IBTK: variants seen among roughly 807,000 people sequenced by gnomAD.
The protein encoded by IBTK is BTK-binding protein.
In IBTK, 83 loss-of-function variants were observed where a neutral mutation model predicts 154.9. That is an observed-to-expected ratio of 0.54 (90% CI 0.45 to 0.64). The LOEUF (loss-of-function observed/expected upper bound fraction) is 0.64, where lower values mean the gene tolerates loss of function less well. Ranked by LOEUF, IBTK falls within the 30% of genes least tolerant of loss-of-function variation. The probability of loss-of-function intolerance (pLI) is 0.00; values close to 1 mark genes in which losing one functional copy is unlikely to be tolerated. For synonymous variants in IBTK, 515 were observed against 536.1 expected, an observed-to-expected ratio of 0.96 and a Z score of 0.54; for missense variants, 1,332 against 1,584.6, an observed-to-expected ratio of 0.84 and a Z score of 2.71.
chr6:82,223,466 G>A lies in IBTK; in HGVS notation c.1098C>T (p.Asp366=), dbSNP rs1770171339. Residue 366 remains aspartate, a synonymous_variant, in exon 8 of 29, where the codon GAC becomes GAT. Coordinates refer to ENST00000306270, the MANE Select transcript of IBTK (RefSeq NM_015525.4). The stretch of plus-strand genomic sequence containing the variant: ...TAGAAGCCATCTTCTTGCACTGATA[G>A]TCTGCAAGTAAGTAAATATCTCCCC... ...TTRGDIYLLA[D]YQCKKMASKQ... The A allele has an allele frequency of 6.2e-7, 1 of 1,613,504 alleles. No individual in the cohort carries two copies. Among genetic ancestry groups the A allele is most frequent in the Non-Finnish European group, 8.5e-7 (1 of 1,179,720 alleles).
chr6:82,228,259 A>C (rs1257379129), intron 4 of IBTK, among the ~76,000 whole-genome samples: 1 of 152,194 alleles, frequency 6.6e-6, no homozygotes, highest in African/African-American at 2.4e-5. Context: ...TCATTTCCAG[A>C]AAGTCAAGGT....
Position 82,210,895 on chromosome 6 carries a change from C to T in IBTK, c.2428G>A (p.Ala810Thr), listed in dbSNP as rs1358782192. 1.9e-6 allele frequency: 3 copies of T among 1,558,464 alleles called. No homozygotes were observed. Among genetic ancestry groups the T allele is most frequent in the Non-Finnish European group, 2.6e-6 (3 of 1,149,942 alleles). The change falls in exon 16 of 29, where the codon GCT (alanine) becomes ACT (threonine). Residue 810 changes from alanine to threonine, a missense_variant. Physicochemically the swap from Ala to Thr is moderately conservative, Grantham distance 58 (BLOSUM62 0). This residue lies in a region of IBTK where 1,134 missense variants were observed against 1,274.7 expected (regional missense o/e 0.89). Coordinates refer to ENST00000306270, the MANE Select transcript of IBTK (RefSeq NM_015525.4). Reference sequence around the variant, plus strand: ...TCAGAATGTATTGGCATTTCCAGAGCTGCACAACTGGAAGCCTAAATAAAA... The same window carrying T: ...TCAGAATGTATTGGCATTTCCAGAGTTGCACAACTGGAAGCCTAAATAAAA... ...SSWIEASSCA[A>T]LEMPIHSDIL...
intron 26 of IBTK, among the ~76,000 whole-genome samples, chr6:82,174,011 G>A (rs1768024502): frequency 6.6e-6 from 1 of 152,234 alleles, no homozygotes; most frequent in South Asian, 2.1e-4. Context: ...GATGAAAGCA[G>A]TAAGAAGCAT....
intron 27 of IBTK, 155 bp from the exon 28 acceptor site, chr6:82,172,667 T>A: frequency 1.7e-6 from 1 of 597,796 alleles, no homozygotes; most frequent in Non-Finnish European, 2.7e-6. Context: ...ATGATGAGTT[T>A]CACTCATCTT....
intron 4 of IBTK, 87 bp downstream of exon 4, chr6:82,231,631 T>G: frequency 1.0e-6 from 1 of 985,872 alleles, no homozygotes; most frequent in South Asian, 2.2e-5. Context: ...TGAAACAAAG[T>G]TATGTAATCC....
At chr6:82,217,598 CAA>C (rs1247686694) in intron 10 of IBTK, among the ~76,000 whole-genome samples, 1 of 152,090 alleles carries the variant, frequency 6.6e-6, no homozygotes, top group Non-Finnish European at 1.5e-5. Flanking sequence ...TTAAATTTTA[CAA>C]AAGTCATTTA....
chr6:82,238,727 C>T (rs1770828012), intron 2 of IBTK, among the ~76,000 whole-genome samples: 1 of 151,956 alleles, frequency 6.6e-6, no homozygotes, highest in Non-Finnish European at 1.5e-5. Flanking sequence ...AGGCGTGAGC[C>T]ACCGCGCCTG....
chr6:82,236,294 C>T (rs754033689), intron 2 of IBTK, among the ~76,000 whole-genome samples: 1 of 152,204 alleles, frequency 6.6e-6, no homozygotes, highest in East Asian at 1.9e-4. Flanking sequence ...ACCTGGATTA[C>T]TGCCTGGCAC....
At chr6:82,241,444 C>T (rs890671290) in intron 1 of IBTK, among the ~76,000 whole-genome samples, 39 of 152,174 alleles carry the variant, frequency 2.6e-4, no homozygotes, top group Non-Finnish European at 4.4e-5. Flanking sequence ...CCTGAAAAGT[C>T]CTTCATCACA....
intron 6 of IBTK, among the ~76,000 whole-genome samples, chr6:82,224,598 G>A (rs9361905): frequency 0.23 from 35,002 of 152,006 alleles, 4,039 homozygotes; most frequent in Admixed American, 0.25. Context: ...TTTTTTTGTC[G>A]TGCGATTGTC....
In IBTK at chr6:82,214,642, C is replaced by G; in HGVS notation, c.1789G>C (p.Gly597Arg). The change falls in exon 12 of 29, where the codon GGT (glycine) becomes CGT (arginine). Residue 597 changes from glycine to arginine, a missense_variant. Gly to Arg is a moderately radical substitution (Grantham distance 125). Coordinates refer to ENST00000306270, the MANE Select transcript of IBTK (RefSeq NM_015525.4). ...DFFQKLFLSD[G>R]NTSEFTDIYQ... Reference sequence around the variant, plus strand: ...ATATCTGTAAATTCTGAAGTATTACCATCTGAAAGAAACAATTTCTGAAAA... The same window carrying G: ...ATATCTGTAAATTCTGAAGTATTACGATCTGAAAGAAACAATTTCTGAAAA... 1 of 1,613,854 alleles carries G rather than the reference C, an allele frequency of 6.2e-7. No individual in the cohort carries two copies.
chr6:82,228,612 A>T (rs1409655469), intron 4 of IBTK, among the ~76,000 whole-genome samples: 1 of 152,034 alleles, frequency 6.6e-6, no homozygotes, highest in East Asian at 1.9e-4. Context: ...ATCCAACTTT[A>T]AAAACCCCAG....
At chr6:82,190,284 C>G (rs73482637) in intron 25 of IBTK, among the ~76,000 whole-genome samples, 2 of 152,024 alleles carry the variant, frequency 1.3e-5, no homozygotes, top group African/African-American at 4.8e-5. Flanking sequence ...AATAATGTGG[C>G]CTTAGAAACA....
chr6:82,239,756 C>T (rs1322491502), intron 2 of IBTK, among the ~76,000 whole-genome samples: 2 of 113,818 alleles, frequency 1.8e-5, no homozygotes, highest in East Asian at 4.9e-4. Context: ...TGCAGCACAG[C>T]TCTCTGAGCC....
chr6:82,182,861 A>G (rs1007406965), intron 25 of IBTK, among the ~76,000 whole-genome samples: 2 of 152,222 alleles, frequency 1.3e-5, no homozygotes, highest in Non-Finnish European at 2.9e-5. Flanking sequence ...GAGAATGTCA[A>G]TCCAGAATTC....
chr6:82,171,499 C>T lies in IBTK; in HGVS notation c.3988G>A (p.Glu1330Lys). Reference protein sequence around the residue: ...LVFYEAFGNPEEFVIVERTPQ... With the variant: ...LVFYEAFGNPKEFVIVERTPQ... ...GTCCTTTCAACAATGACAAACTCTTCAGGGTTGCCAAATGCCTCATAGAAA... is the reference window on the plus strand; with the variant it reads ...GTCCTTTCAACAATGACAAACTCTTTAGGGTTGCCAAATGCCTCATAGAAA... The change falls in exon 29 of 29, where the codon GAA (glutamate) becomes AAA (lysine). Residue 1330 changes from glutamate to lysine, a missense_variant. This residue lies in a region of IBTK where 1,134 missense variants were observed against 1,274.7 expected (regional missense o/e 0.89). Coordinates refer to ENST00000306270, the MANE Select transcript of IBTK (RefSeq NM_015525.4). 1 of 1,613,006 alleles carries T rather than the reference C, an allele frequency of 6.2e-7. No homozygotes were observed. The highest frequency in any genetic ancestry group is 8.5e-7 in the Non-Finnish European group (1 of 1,179,286).
chr6:82,214,859 T>C (rs1769811666), intron 11 of IBTK, 30 bp from the exon 12 acceptor site: 26 of 1,517,152 alleles, frequency 1.7e-5, no homozygotes, highest in Non-Finnish European at 2.2e-5. Flanking sequence ...AAATTATGCT[T>C]CAAAAAATAT....
intron 2 of IBTK, among the ~76,000 whole-genome samples, chr6:82,238,895 C>A (rs1004791520): frequency 1.3e-5 from 2 of 151,864 alleles, no homozygotes; most frequent in Admixed American, 6.6e-5. Flanking sequence ...CACGCCACTA[C>A]ACCTGGCTAA....
chr6:82,189,850 A>G (rs1261485540), intron 25 of IBTK, among the ~76,000 whole-genome samples: 1 of 152,222 alleles, frequency 6.6e-6, no homozygotes, highest in Non-Finnish European at 1.5e-5. Flanking sequence ...AGTACTTGAC[A>G]GTGGTTCCAA....
Sources: allele counts gnomAD v4.1 joint callset (sites outside exome capture counted in the v4.1 genomes callset), GRCh38; gene constraint gnomAD v4.1.1; regional missense constraint gnomAD v4.1.1; transcripts MANE v1.5; gene names NCBI Gene and HGNC (gene_info 2026-07-23, HGNC 2026-07-21).